Variants in ZNF37A observed in about 807,000 individuals in gnomAD.
The protein encoded by ZNF37A is zinc finger protein 37A.
ZNF37A carries 10 observed loss-of-function variants against 12.3 expected under a neutral mutation model. The ratio of observed to expected loss-of-function variants is 0.82; its 90% CI spans 0.50 to 1.38. ZNF37A has a LOEUF of 1.38. Ranked by LOEUF, ZNF37A falls within the 40% of genes most tolerant of loss-of-function variation. The pLI, the probability that ZNF37A is intolerant of heterozygous loss-of-function variation, is 0.00. For synonymous variants in ZNF37A, 207 were observed against 223.0 expected (o/e 0.93, Z 0.64); for missense variants, 580 against 651.2 (o/e 0.89, Z 1.19).
intron 7 of ZNF37A, among the ~76,000 whole-genome samples, chr10:38,145,544 T>C (rs1404384047): frequency 6.6e-6 from 1 of 152,228 alleles, no homozygotes; most frequent in Admixed American, 6.5e-5. Flanking sequence ...ATATTATCTA[T>C]ACATTCTCAC....
intron 5 of ZNF37A, among the ~76,000 whole-genome samples, chr10:38,112,312 T>G (rs2068754241): frequency 6.6e-6 from 1 of 152,130 alleles, no homozygotes; most frequent in South Asian, 2.1e-4. Context: ...TCGGGTCTTT[T>G]GAGGTCTTTG....
At chr10:38,104,054 C>G (rs2067818579) in intron 5 of ZNF37A, among the ~76,000 whole-genome samples, 1 of 152,204 alleles carries the variant, frequency 6.6e-6, no homozygotes, top group Admixed American at 6.5e-5. Flanking sequence ...TACACATGAT[C>G]TCAATTCCCT....
chr10:38,096,042 C>T (rs543180002), intron 4 of ZNF37A, among the ~76,000 whole-genome samples: 5 of 152,024 alleles, frequency 3.3e-5, no homozygotes, highest in South Asian at 2.1e-4. Context: ...AAAAATTAGC[C>T]GGGTGTGGTG....
chr10:38,128,461 AC>A (rs1471166822), downstream of ZNF37A, among the ~76,000 whole-genome samples: 4 of 152,182 alleles, frequency 2.6e-5, no homozygotes, highest in African/African-American at 7.2e-5. Context: ...CCTAGTACTT[AC>A]TAGGAGTGAT....
At chr10:38,146,780 A>G (rs1186671836) in exon 8 of ZNF37A, 4 of 398,436 alleles carry the variant, frequency 1.0e-5, no homozygotes, top group African/African-American at 8.2e-5. Flanking sequence ...ATTTGTGCCG[A>G]GACCAGCTCG....
chr10:38,148,730 A>G (rs2070286875), exon 8 of ZNF37A: 1 of 152,198 alleles, frequency 6.6e-6, no homozygotes, highest in Non-Finnish European at 1.5e-5. Context: ...GTTCTAACAC[A>G]TGGAGGCTCC....
Position 38,118,486 on chromosome 10 carries a change from A to T in ZNF37A, c.1335A>T (p.Gly445=). 1 of 1,613,932 alleles carries T rather than the reference A, an allele frequency of 6.2e-7. No homozygotes were observed. The highest frequency in any genetic ancestry group is 8.5e-7 in the Non-Finnish European group (1 of 1,179,984). The change falls in exon 8 of 8, where the codon GGA becomes GGT. Residue 445 remains glycine (G), a synonymous_variant. Coordinates refer to ENST00000685332, the MANE Select transcript of ZNF37A (RefSeq NM_001324250.3). ...AACCTTATGAATGTATTCAGTGTGG[A>T]AAATTTTTCTGCTACTACTCCGGTT... ...GEKPYECIQC[G]KFFCYYSGFT... is the part of the protein sequence containing the mutation.
chr10:38,132,811 T>A (rs2070049051), intron 7 of ZNF37A, among the ~76,000 whole-genome samples: 1 of 113,624 alleles, frequency 8.8e-6, no homozygotes, highest in South Asian at 2.4e-4. Flanking sequence ...ATTGTTCAAG[T>A]CTTTTTTTTT....
At chr10:38,146,270 G>C (rs1380612673) in intron 7 of ZNF37A, among the ~76,000 whole-genome samples, 4 of 152,038 alleles carry the variant, frequency 2.6e-5, no homozygotes, top group Non-Finnish European at 4.4e-5. Context: ...ACTTAACAAG[G>C]GTGTTTTATT....
At chr10:38,097,542 C>CCA (rs1434030575) in intron 5 of ZNF37A, among the ~76,000 whole-genome samples, 1 of 136,486 alleles carries the variant, frequency 7.3e-6, no homozygotes, top group Non-Finnish European at 1.5e-5. Context: ...TGAGATTGCA[C>CCA]CACTGCACTC....
In ZNF37A at chr10:38,117,650, G is replaced by T. The variant is rs1470003498; in HGVS notation, c.499G>T (p.Gly167Cys). ...ENSLFLVHKR[G>C]YTGQKTCKYT... ...TTCACTCTTCCTTGTACATAAGAGAGGTTACACAGGACAGAAAACCTGCAA... is the reference window on the plus strand; with the variant it reads ...TTCACTCTTCCTTGTACATAAGAGATGTTACACAGGACAGAAAACCTGCAA... Residue 167 changes from glycine to cysteine, a missense_variant, in exon 8 of 8, where the codon GGT becomes TGT. Transcript: ENST00000685332. The T allele has an allele frequency of 2.5e-6, 4 of 1,613,758 alleles. No individual in the cohort carries two copies. The highest frequency in any genetic ancestry group is 1.3e-5 in the African/African-American group (1 of 74,882).
intron 7 of ZNF37A, chr10:38,143,656 G>T (rs1366341005): frequency 6.6e-6 from 1 of 152,226 alleles, no homozygotes; most frequent in East Asian, 1.9e-4. Context: ...TCAGGAAGGA[G>T]CCCTTCATTG....
chr10:38,135,043 T>C (rs555977505), intron 7 of ZNF37A, among the ~76,000 whole-genome samples: 86 of 152,352 alleles, frequency 5.6e-4, no homozygotes, highest in Non-Finnish European at 1.1e-3. Context: ...TCTAGCATCC[T>C]AAAGTTATAA....
At chr10:38,126,691 G>A (rs920025234), downstream of ZNF37A, among the ~76,000 whole-genome samples, 1 of 152,258 alleles carries the variant, frequency 6.6e-6, no homozygotes, top group South Asian at 2.1e-4. Context: ...TGCTGTGATC[G>A]GGCAGTTCAC....
At chr10:38,147,672 T>A (rs1194252617) in exon 8 of ZNF37A, 2 of 152,048 alleles carry the variant, frequency 1.3e-5, no homozygotes, top group Non-Finnish European at 2.9e-5. Context: ...GATATTTCAA[T>A]GAAAAACAGA....
downstream of ZNF37A, among the ~76,000 whole-genome samples, chr10:38,127,703 A>T (rs2136072540): frequency 6.6e-6 from 1 of 152,290 alleles, no homozygotes; most frequent in Middle Eastern, 3.4e-3. Context: ...CCAAGCCTGC[A>T]TCTACTTTCA....
chr10:38,131,666 A>G (rs1367241811), intron 7 of ZNF37A, among the ~76,000 whole-genome samples: 2 of 152,118 alleles, frequency 1.3e-5, no homozygotes, highest in East Asian at 1.9e-4. Flanking sequence ...CTGTAATTTT[A>G]TATGAATTTG....
At position 38,133,763 on chromosome 10, in the gene ZNF37A, C is replaced by T. The variant is rs376993127; in HGVS notation, c.239-12969C>T. Among the ~76,000 whole-genome samples the T allele has an allele frequency of 2.6e-4, 40 of 152,124 alleles. No individual in the cohort carries two copies. In the East Asian group the frequency reaches 2.7e-3, roughly 10 times the overall value. On this transcript the variant is annotated intron_variant, in intron 7 of 7. Coordinates refer to the ZNF37A transcript ENST00000638053. ...AAGTCTTTGCTATTGTGAATAGTGC[C>T]GCAATAAACATACATGTGCGTGTGT... is the stretch of plus-strand genomic sequence containing the variant.
At chr10:38,130,826 A>T (rs181879571) in intron 7 of ZNF37A, among the ~76,000 whole-genome samples, 1 of 152,226 alleles carries the variant, frequency 6.6e-6, no homozygotes, top group African/African-American at 2.4e-5. Flanking sequence ...AGCAATGCAC[A>T]AGTGTTCTGA....
Sources: gnomAD v4.1 joint callset for allele counts (sites outside exome capture counted in the v4.1 genomes callset) on GRCh38, gnomAD v4.1.1 for gene constraint, MANE v1.5 for transcripts, NCBI Gene and HGNC (gene_info 2026-07-23, HGNC 2026-07-21) for gene names.